XPA: variants seen among roughly 807,000 people sequenced by gnomAD.
The protein encoded by XPA is XPA, DNA damage recognition and repair factor.
In XPA, 27 loss-of-function variants were observed where a neutral mutation model predicts 35.7. That is an observed-to-expected ratio of 0.76 (90% CI 0.56 to 1.04). XPA has a LOEUF of 1.04. Ranked by LOEUF, XPA falls within the 50% of genes least tolerant of loss-of-function variation. The pLI is 0.00. For synonymous variants in XPA, 133 were observed against 118.4 expected (o/e 1.12, Z -0.80); for missense variants, 354 against 342.7 (o/e 1.03, Z -0.26).
the XPA span, among the ~76,000 whole-genome samples, chr9:97,655,544 A>G: frequency 6.6e-6 from 1 of 152,228 alleles, no homozygotes; most frequent in Non-Finnish European, 1.5e-5. Context: ...AAAAAGGATA[A>G]AGAGAGTTGG....
In XPA at chr9:97,675,014, C is replaced by T. The variant is rs1828306519; in HGVS notation, c.*425G>A. ...GAGACAGAAATCGTCCTAAAAAACA[C>T]ATGACTAGAACCTGGGGTACAGTGG... On this transcript the variant is annotated 3_prime_UTR_variant, in exon 6 of 6. Coordinates refer to ENST00000375128, the MANE Select transcript of XPA (RefSeq NM_000380.4). 1.9e-6 allele frequency: 1 copy of T among 527,632 alleles called. No individual in the cohort carries two copies. Among genetic ancestry groups the T allele is most frequent in the Non-Finnish European group, 3.7e-6 (1 of 272,352 alleles). 32.7% of individuals were successfully genotyped at this position (527,632 alleles called of 1,614,324 possible).
the XPA span, chr9:97,661,991 A>G: frequency 7.6e-7 from 1 of 1,315,400 alleles, no homozygotes; most frequent in East Asian, 2.3e-5. Flanking sequence ...GTAAGGCACC[A>G]AGGAATTGCT....
chr9:97,669,912 C>G (rs369382562), downstream of XPA: 293 of 623,906 alleles, frequency 4.7e-4, no homozygotes, highest in African/African-American at 5.0e-3. Flanking sequence ...TGCCACCCCC[C>G]CAACAACCCC....
chr9:97,689,799 A>G (rs933179653), intron 2 of XPA, among the ~76,000 whole-genome samples, 160 bp from the exon 3 acceptor site: 1 of 151,852 alleles, frequency 6.6e-6, no homozygotes, highest in Admixed American at 6.5e-5. Context: ...AAAAAAATTA[A>G]AGAGGAAAAA....
intron 3 of XPA, among the ~76,000 whole-genome samples, chr9:97,689,060 T>C (rs1391677049): frequency 1.3e-5 from 2 of 152,074 alleles, no homozygotes; most frequent in East Asian, 3.8e-4. Flanking sequence ...TGGAAGAATA[T>C]AGTTCTTCCT....
At chr9:97,676,735 A>C (rs575225399) in intron 5 of XPA, among the ~76,000 whole-genome samples, 96 of 152,330 alleles carry the variant, frequency 6.3e-4, no homozygotes, top group African/African-American at 2.3e-3. Flanking sequence ...AAACCAAGGC[A>C]CAGAGAAGTT....
chr9:97,666,813 A>G, the XPA span: 38 of 1,610,738 alleles, frequency 2.4e-5, no homozygotes, highest in Non-Finnish European at 3.1e-5. Flanking sequence ...ATGAACAAAC[A>G]TGTCCTGAAG....
At chr9:97,685,121 T>A (rs1828674964) in intron 4 of XPA, 81 bp from the exon 5 acceptor site, 17 of 1,110,830 alleles carry the variant, frequency 1.5e-5, no homozygotes, top group Non-Finnish European at 2.3e-5. Context: ...AATCCAAAGG[T>A]ACCAAAGAAT....
rs1313414250 is a variant in XPA at position 97,675,256 on chromosome 9, T to C, written c.*183A>G. 4 of 728,424 alleles carry C rather than the reference T, an allele frequency of 5.5e-6. No homozygotes were observed. The allele number at this position is 728,424 out of a possible 1,614,324, so 45.1% of individuals were successfully genotyped here. On this transcript the variant is annotated 3_prime_UTR_variant, in exon 6 of 6. Coordinates refer to ENST00000375128, the MANE Select transcript of XPA (RefSeq NM_000380.4). The stretch of plus-strand genomic sequence containing the variant: ...ACATTGTGCACACAACCAGGCCAGG[T>C]GACCTTCACTGAAACTTGCTTTTAA...
At chr9:97,694,130 G>A (rs1828973287) in intron 1 of XPA, among the ~76,000 whole-genome samples, 1 of 152,232 alleles carries the variant, frequency 6.6e-6, no homozygotes, top group African/African-American at 2.4e-5. Context: ...CTTAAATGGA[G>A]AAATATACTG....
intron 5 of XPA, among the ~76,000 whole-genome samples, chr9:97,683,702 T>C (rs1221600076): frequency 1.3e-5 from 2 of 152,068 alleles, no homozygotes; most frequent in East Asian, 3.8e-4. Flanking sequence ...GTAATTCTCT[T>C]TTCTGCACTG....
At chr9:97,691,581 A>G (rs3176658) in intron 2 of XPA, among the ~76,000 whole-genome samples, 132,409 of 152,098 alleles carry the variant, frequency 0.87, 57,799 homozygotes, top group Middle Eastern at 0.91. Context: ...TAGCTGGGTG[A>G]CGGGCACCTG....
At chr9:97,680,539 C>A (rs1014647231) in intron 5 of XPA, among the ~76,000 whole-genome samples, 4 of 152,066 alleles carry the variant, frequency 2.6e-5, no homozygotes, top group African/African-American at 9.7e-5. Context: ...TGCCATTGTT[C>A]TGAGGAGAAA....
At chr9:97,679,252 AAAAT>A (rs1480641154) in intron 5 of XPA, among the ~76,000 whole-genome samples, 11 of 152,340 alleles carry the variant, frequency 7.2e-5, no homozygotes, top group Admixed American at 2.6e-4. Context: ...GGTTCGGAAA[AAAAT>A]AAATACTGTG....
intron 5 of XPA, among the ~76,000 whole-genome samples, chr9:97,684,596 T>C (rs912256763): frequency 2.5e-4 from 38 of 152,346 alleles, no homozygotes; most frequent in African/African-American, 9.1e-4. Context: ...GTGTTTTTTA[T>C]AACACACCTG....
At chr9:97,678,101 C>G (rs549467508) in intron 5 of XPA, among the ~76,000 whole-genome samples, 1 of 152,206 alleles carries the variant, frequency 6.6e-6, no homozygotes, top group South Asian at 2.1e-4. Flanking sequence ...AAGGAGTGCT[C>G]AAGAAATGAT....
chr9:97,657,924 A>T, the XPA span, among the ~76,000 whole-genome samples: 143 of 119,456 alleles, frequency 1.2e-3, no homozygotes, highest in East Asian at 6.6e-3. Flanking sequence ...ATATATATAT[A>T]TATTTTTTTT....
chr9:97,675,322 A>C lies in XPA; in HGVS notation c.*117T>G. Reference sequence around the variant, plus strand: ...ATTATTACTGAAGTATTACTTATACAAGGGTTTCATTCATCTATGAAGATG... The same window carrying C: ...ATTATTACTGAAGTATTACTTATACCAGGGTTTCATTCATCTATGAAGATG... On this transcript the variant is annotated 3_prime_UTR_variant, in exon 6 of 6. Coordinates refer to ENST00000375128, the MANE Select transcript of XPA (RefSeq NM_000380.4). 8.9e-7 allele frequency: 1 copy of C among 1,123,850 alleles called. No homozygotes were observed. Among genetic ancestry groups the C allele is most frequent in the Non-Finnish European group, 1.3e-6 (1 of 787,354 alleles). 69.6% of individuals were successfully genotyped at this position (1,123,850 alleles called of 1,614,324 possible).
At chr9:97,696,476 T>C (rs1405735644) in intron 1 of XPA, among the ~76,000 whole-genome samples, 1 of 152,166 alleles carries the variant, frequency 6.6e-6, no homozygotes, top group Non-Finnish European at 1.5e-5. Flanking sequence ...GTCCAAGAAA[T>C]AGACTCATGG....
Sources: gnomAD v4.1 joint callset for allele counts (sites outside exome capture counted in the v4.1 genomes callset) on GRCh38, gnomAD v4.1.1 for gene constraint, MANE v1.5 for transcripts, NCBI Gene and HGNC (gene_info 2026-07-23, HGNC 2026-07-21) for gene names.